The following OPRM1 variants were observed in gnomAD, a reference collection of about 807,000 sequenced individuals.
The protein encoded by OPRM1 is mu-type opioid receptor.
Under a neutral mutation model 31.8 loss-of-function variants are expected in OPRM1, and 27 were observed. That is an observed-to-expected ratio of 0.85 (90% confidence interval 0.63 to 1.17). The LOEUF is 1.17. OPRM1 is among the 50% of genes most tolerant of loss of function. The pLI is 0.00. For synonymous variants in OPRM1, 196 were observed against 189.9 expected, an observed-to-expected ratio of 1.03 and a Z score of -0.26; for missense variants, 536 against 511.1, an observed-to-expected ratio of 1.05 and a Z score of -0.47.
chr6:154,133,464 G>T (rs1797982726), downstream of OPRM1, among the ~76,000 whole-genome samples: 1 of 152,168 alleles, frequency 6.6e-6, no homozygotes, highest in South Asian at 2.1e-4. Flanking sequence ...GTCACCTCCA[G>T]TCTTAGGTGA....
intron 3 of OPRM1, among the ~76,000 whole-genome samples, chr6:154,234,560 C>G (rs1350898584): frequency 6.6e-6 from 1 of 152,208 alleles, no homozygotes; most frequent in African/African-American, 2.4e-5. Context: ...CCTTACTATT[C>G]CCTCCTAAAA....
chr6:154,157,783 C>T (rs543126540), intron 3 of OPRM1: 2 of 152,330 alleles, frequency 1.3e-5, no homozygotes, highest in East Asian at 3.9e-4. Context: ...CTTTACATTG[C>T]CAATCCTAAA....
chr6:154,210,428 GAGACAA>G (rs1777871872), intron 3 of OPRM1, among the ~76,000 whole-genome samples: 1 of 152,164 alleles, frequency 6.6e-6, no homozygotes, highest in Non-Finnish European at 1.5e-5. Flanking sequence ...AGCAGACATA[GAGACAA>G]AGACAGAGAC....
intron 3 of OPRM1, among the ~76,000 whole-genome samples, chr6:154,224,324 G>T (rs1285743052): frequency 1.3e-5 from 2 of 152,108 alleles, no homozygotes; most frequent in Admixed American, 6.5e-5. Flanking sequence ...AAATTAAACT[G>T]TGAGGCATCC....
intron 3 of OPRM1, among the ~76,000 whole-genome samples, chr6:154,097,289 G>T (rs781083179): frequency 6.6e-6 from 1 of 152,168 alleles, no homozygotes; most frequent in Non-Finnish European, 1.5e-5. Context: ...GGGTCAAGAA[G>T]TTAGGAGATG....
At chr6:154,118,642 A>G (rs762621422) in intron 3 of OPRM1, 41 bp from the exon 4 acceptor site, 1 of 1,599,804 alleles carries the variant, frequency 6.3e-7, no homozygotes, top group South Asian at 1.1e-5. Context: ...TTGCAACCGT[A>G]TCTGAAATGT....
chr6:154,143,649 T>C lies in OPRM1; in HGVS notation c.1164+52177T>C, dbSNP rs559775975. 9.8e-5 allele frequency among the ~76,000 whole-genome samples: 15 copies of C among 152,330 alleles called. No homozygotes were observed. In the East Asian group the frequency reaches 2.9e-3, roughly 29 times the overall value. On this transcript the variant is annotated intron_variant, in intron 3 of 3. Coordinates refer to the OPRM1 transcript ENST00000337049. ...AATTTAGTTGCCTTTGTTTCAGTGTTGAGAGGTAGGACGTTTAAGAGGTGA... is the reference window on the plus strand; with the variant it reads ...AATTTAGTTGCCTTTGTTTCAGTGTCGAGAGGTAGGACGTTTAAGAGGTGA...
At chr6:154,231,558 T>C (rs1053924594) in intron 3 of OPRM1, among the ~76,000 whole-genome samples, 2 of 152,234 alleles carry the variant, frequency 1.3e-5, no homozygotes, top group Admixed American at 6.5e-5. Flanking sequence ...AAAAACGCCA[T>C]ACAACGCGTA....
chr6:154,152,385 A>G lies in OPRM1; in HGVS notation c.1164+60913A>G, dbSNP rs575401670. On this transcript the variant is annotated intron_variant, in intron 3 of 3. Transcript: ENST00000337049. ...GAAAGAAAGAAAGAAAGAAAGAAAG[A>G]AAGAAAGAGAAATAGTGTTCAGGTT... Among the ~76,000 whole-genome samples, 5 of 146,938 alleles carry G rather than the reference A, an allele frequency of 3.4e-5. No individual in the cohort carries two copies. In the East Asian group the frequency reaches 7.7e-4, roughly 23 times the overall value.
intron 3 of OPRM1, among the ~76,000 whole-genome samples, chr6:154,167,435 T>C (rs907090151): frequency 3.9e-5 from 6 of 152,156 alleles, no homozygotes; most frequent in Non-Finnish European, 8.8e-5. Context: ...CAGCTGACAA[T>C]CACTACATCT....
intron 1 of OPRM1, among the ~76,000 whole-genome samples, chr6:154,029,465 T>C (rs538715133): frequency 6.6e-6 from 1 of 152,330 alleles, no homozygotes; most frequent in East Asian, 1.9e-4. Flanking sequence ...TGAATGTCTT[T>C]CTTTAAACCA....
At chr6:154,156,048 A>G (rs1028754258) in intron 3 of OPRM1, 9 of 152,260 alleles carry the variant, frequency 5.9e-5, no homozygotes, top group African/African-American at 2.2e-4. Context: ...ATGCCTCAAA[A>G]AGCAAACAAA....
chr6:154,103,279 A>C (rs970318240), intron 3 of OPRM1, among the ~76,000 whole-genome samples: 3 of 152,234 alleles, frequency 2.0e-5, no homozygotes, highest in Non-Finnish European at 4.4e-5. Flanking sequence ...AAACCACAGA[A>C]TATTTAGCTT....
In OPRM1 at chr6:154,039,331, G is replaced by C; in HGVS notation, c.-214G>C. On this transcript the variant is annotated 5_prime_UTR_variant, in exon 1 of 4. Coordinates refer to ENST00000330432, the MANE Select transcript of OPRM1 (RefSeq NM_000914.5). ...GTGATGAGCCTCTGTGAACTACTAA[G>C]GTGGGAGGGGGCTATACGCAGAGGA... is the stretch of plus-strand genomic sequence containing the variant. 1 of 1,549,516 alleles carries C rather than the reference G, an allele frequency of 6.5e-7. No individual in the cohort carries two copies.
chr6:154,216,536 G>A (rs1778408216), intron 3 of OPRM1, among the ~76,000 whole-genome samples: 1 of 152,076 alleles, frequency 6.6e-6, no homozygotes, highest in South Asian at 2.1e-4. Flanking sequence ...TGCATGAATT[G>A]GTATGCATAG....
chr6:154,060,643 G>T (rs989387934), intron 1 of OPRM1, among the ~76,000 whole-genome samples: 17 of 152,264 alleles, frequency 1.1e-4, no homozygotes, highest in African/African-American at 3.9e-4. Context: ...ACTGAGAGAA[G>T]AATTCTTAGT....
intron 3 of OPRM1, 185 bp downstream of exon 3, chr6:154,091,657 A>T (rs1345146710): frequency 7.2e-7 from 1 of 1,391,694 alleles, no homozygotes; most frequent in African/African-American, 1.4e-5. Context: ...ATTTGACTGT[A>T]CATATTCATT....
chr6:154,181,996 G>A (rs891662306), intron 3 of OPRM1, among the ~76,000 whole-genome samples: 2 of 152,040 alleles, frequency 1.3e-5, no homozygotes, highest in African/African-American at 2.4e-5. Flanking sequence ...TTAAAAGATG[G>A]CAGGTTTGTA....
chr6:154,232,408 A>T (rs1779793110), intron 3 of OPRM1, among the ~76,000 whole-genome samples: 1 of 152,240 alleles, frequency 6.6e-6, no homozygotes, highest in Non-Finnish European at 1.5e-5. Context: ...AGCATATGCC[A>T]GTGAGGTAGT....
Sources: gnomAD v4.1 joint callset for allele counts (sites outside exome capture counted in the v4.1 genomes callset) on GRCh38, gnomAD v4.1.1 for gene constraint, MANE v1.5 for transcripts, NCBI Gene and HGNC (gene_info 2026-07-23, HGNC 2026-07-21) for gene names.